The following ERCC4 variants were observed in gnomAD, a reference collection of about 807,000 sequenced individuals.
The protein encoded by ERCC4 is DNA repair endonuclease XPF.
In ERCC4, 65 loss-of-function variants were observed where a neutral mutation model predicts 76.9. The ratio of observed to expected loss-of-function variants is 0.84; its 90% confidence interval spans 0.69 to 1.04. The LOEUF is 1.04. Among genes scored for constraint, ERCC4 ranks in the 50% least tolerant of loss-of-function variants. The pLI, the probability that ERCC4 is intolerant of heterozygous loss-of-function variation, is 0.00. For missense variants in ERCC4, 1,214 were observed against 1,128.2 expected, an observed-to-expected ratio of 1.08 and a Z score of -1.09; for synonymous variants, 463 against 410.1, an observed-to-expected ratio of 1.13 and a Z score of -1.56.
chr16:13,945,314 TG>T (rs1232782598), intron 10 of ERCC4, among the ~76,000 whole-genome samples: 1 of 152,192 alleles, frequency 6.6e-6, no homozygotes, highest in African/African-American at 2.4e-5. Context: ...CATTTCTTCT[TG>T]GTAGCTCCCC....
At chr16:13,939,185 C>T (rs1311810516) in intron 9 of ERCC4, among the ~76,000 whole-genome samples, 5 of 152,208 alleles carry the variant, frequency 3.3e-5, no homozygotes, top group African/African-American at 1.2e-4. Flanking sequence ...AGGCTCTTTG[C>T]TCCTCTCTGT....
At position 13,947,841 on chromosome 16, in the gene ERCC4, T is replaced by A; in HGVS notation, c.2245T>A (p.Ser749Thr). The A allele has an allele frequency of 6.2e-7, 1 of 1,614,224 alleles. No individual in the cohort carries two copies. The highest frequency in any genetic ancestry group is 1.3e-5 in the African/African-American group (1 of 75,064). The change falls in exon 11 of 11, where the codon TCC becomes ACC. Residue 749 changes from serine (S) to threonine (T), a missense_variant. Physicochemically the swap from Ser to Thr is moderately conservative, Grantham distance 58. Transcript: ENST00000311895. ...GRLYSQCISM[S>T]RYYKRPVLLI... ...CCTCTACAGCCAGTGCATCTCCATG[T>A]CCCGCTACTACAAGCGTCCCGTGCT...
At position 13,922,114 on chromosome 16, in the gene ERCC4, C is replaced by G. The variant is rs1178956725; in HGVS notation, c.291C>G (p.Arg97=). The change falls in exon 2 of 11, where the codon CGC becomes CGG. Residue 97 remains arginine, a synonymous_variant. Coordinates refer to ENST00000311895, the MANE Select transcript of ERCC4 (RefSeq NM_005236.3). The part of the protein sequence containing the change: ...RVTNEITSNS[R]YEVYTQGGVI... ...CAAATGAAATCACAAGCAACAGTCG[C>G]TATGAAGTTTACACACAAGGTGGTG... 1.2e-6 allele frequency: 2 copies of G among 1,613,490 alleles called. No homozygotes were observed. The highest frequency in any genetic ancestry group is 2.7e-5 in the African/African-American group (2 of 74,896).
chr16:13,940,041 CAT>C (rs2032382881), intron 9 of ERCC4, among the ~76,000 whole-genome samples: 1 of 152,210 alleles, frequency 6.6e-6, no homozygotes, highest in Non-Finnish European at 1.5e-5. Flanking sequence ...CTAGAACTCA[CAT>C]GAGTCAGAAA....
At position 13,920,356 on chromosome 16, in the gene ERCC4, C is replaced by T. The variant is rs2141937451; in HGVS notation, c.191C>T (p.Thr64Met). Residue 64 changes from threonine (T) to methionine (M), a missense_variant, in exon 1 of 11, where the codon ACG becomes ATG. By Grantham distance (81) the Thr-to-Met change is moderately conservative. Coordinates refer to ENST00000311895, the MANE Select transcript of ERCC4 (RefSeq NM_005236.3). ...GCCTGCCTGGTGCTGGTGCTCAACA[C>T]GCAGCCGGCCGAGGAGGTGCGGCCG... ...HPACLVLVLN[T>M]QPAEEEYFIN... 9 of 1,584,330 alleles carry T rather than the reference C, an allele frequency of 5.7e-6. No homozygotes were observed. The highest frequency in any genetic ancestry group is 7.7e-6 in the Non-Finnish European group (9 of 1,172,530).
chr16:13,942,186 T>C (rs977648684), intron 9 of ERCC4, among the ~76,000 whole-genome samples: 3 of 152,236 alleles, frequency 2.0e-5, no homozygotes, highest in South Asian at 2.1e-4. Context: ...GTCTGTCACA[T>C]AGGGGAACTT....
At position 13,935,310 on chromosome 16, in the gene ERCC4, A is replaced by G. The variant is rs1486731870; in HGVS notation, c.1378A>G (p.Lys460Glu). 1 of 1,614,130 alleles carries G rather than the reference A, an allele frequency of 6.2e-7. No homozygotes were observed. Among genetic ancestry groups the G allele is most frequent in the Non-Finnish European group, 8.5e-7 (1 of 1,180,028 alleles). ...GAAATTTAGGAAGGAAGACAGTTCA[A>G]AGAGAATTAGGAAATCTCACAAAAG... ...WMKFRKEDSS[K>E]RIRKSHKRPK... The change falls in exon 8 of 11, where the codon AAG (lysine) becomes GAG (glutamate). Residue 460 changes from lysine to glutamate, a missense_variant. Coordinates refer to ENST00000311895, the MANE Select transcript of ERCC4 (RefSeq NM_005236.3).
In ERCC4 at chr16:13,935,455, G is replaced by A. The variant is rs587778288; in HGVS notation, c.1523G>A (p.Gly508Glu). Residue 508 changes from glycine (G) to glutamate (E), a missense_variant, in exon 8 of 11, where the codon GGA becomes GAA. Gly to Glu is a moderately conservative substitution (Grantham distance 98, BLOSUM62 -2). Coordinates refer to ENST00000311895, the MANE Select transcript of ERCC4 (RefSeq NM_005236.3). ...VGKPEELEEE[G>E]DVEEGYRREI... ...AAACCTGAAGAACTGGAAGAGGAAG[G>A]AGATGTCGAGGAAGGATATCGTCGA... The A allele has an allele frequency of 5.6e-6, 9 of 1,614,042 alleles. No homozygotes were observed. In the South Asian group the frequency reaches 9.9e-5, roughly 18 times the overall value.
chr16:13,923,627 C>G (rs2032019666), intron 2 of ERCC4, among the ~76,000 whole-genome samples: 1 of 152,128 alleles, frequency 6.6e-6, no homozygotes, highest in African/African-American at 2.4e-5. Flanking sequence ...AAAGCAAACT[C>G]CTTAATTTTC....
intron 6 of ERCC4, chr16:13,933,051 A>AC: frequency 5.1e-6 from 2 of 392,940 alleles, no homozygotes; most frequent in South Asian, 3.7e-5. Flanking sequence ...GTCTCAAAAA[A>AC]AAAAAAAAAA....
At position 13,948,146 on chromosome 16, in the gene ERCC4, C is replaced by T. The variant is rs2032559019; in HGVS notation, c.2550C>T (p.Asp850=). ...ESEKYNPGPQ[D]FLLKMPGVNA... ...AGAAGTATAATCCTGGTCCCCAAGA[C>T]TTCTTGTTAAAAATGCCAGGGGTGA... The change falls in exon 11 of 11, where the codon GAC becomes GAT. Residue 850 remains aspartate, a synonymous_variant. Coordinates refer to ENST00000311895, the MANE Select transcript of ERCC4 (RefSeq NM_005236.3). 7 of 1,614,164 alleles carry T rather than the reference C, an allele frequency of 4.3e-6. No individual in the cohort carries two copies. The highest frequency in any genetic ancestry group is 3.3e-4 in the Middle Eastern group (2 of 6,062).
chr16:13,936,354 A>C (rs1327202456), intron 8 of ERCC4, among the ~76,000 whole-genome samples: 1 of 152,226 alleles, frequency 6.6e-6, no homozygotes, highest in Non-Finnish European at 1.5e-5. Flanking sequence ...TGAACCAAAA[A>C]CGGAGCCAAA....
chr16:13,921,971 T>C (rs2141939772), intron 1 of ERCC4, 60 bp from the exon 2 acceptor site: 1 of 986,678 alleles, frequency 1.0e-6, no homozygotes, highest in Non-Finnish European at 1.6e-6. Context: ...TAAATATCTG[T>C]GACCTATTAA....
At position 13,934,304 on chromosome 16, in the gene ERCC4, T is replaced by C; in HGVS notation, c.1213+2T>C. On this transcript the variant is annotated splice_donor_variant, in intron 7 of 10. Transcript: ENST00000311895. LOFTEE classifies it high-confidence loss of function. ...AGAGTGAAGCTCTTGGTGGTCCAGG[T>C]AGGAAAAAAGGAGATGAAAACATTT... The C allele has an allele frequency of 6.3e-7, 1 of 1,595,466 alleles. No individual in the cohort carries two copies. The highest frequency in any genetic ancestry group is 8.6e-7 in the Non-Finnish European group (1 of 1,163,356).
chr16:13,936,547 T>G (rs2032298182), intron 8 of ERCC4, among the ~76,000 whole-genome samples: 1 of 152,258 alleles, frequency 6.6e-6, no homozygotes, highest in Non-Finnish European at 1.5e-5. Context: ...ACACCAAGCT[T>G]CTTTCTTGCC....
chr16:13,947,587 G>T (rs909557546), intron 10 of ERCC4, 27 bp from the exon 11 acceptor site: 2 of 1,613,516 alleles, frequency 1.2e-6, no homozygotes, highest in East Asian at 4.5e-5. Context: ...TTCTTCCCCA[G>T]TGACATTACT....
rs143528362 is a variant in ERCC4 at position 13,935,886 on chromosome 16, A to G, written c.1811+143A>G. 346 of 749,716 alleles carry G rather than the reference A, an allele frequency of 4.6e-4. No individual in the cohort carries two copies. In the African/African-American group the frequency reaches 5.5e-3, roughly 12 times the overall value. The allele number at this position is 749,716 out of a possible 1,614,324, so 46.4% of individuals were successfully genotyped here. A position where few individuals can be genotyped will look rare whatever the true frequency, so the allele number is the denominator to read the frequency against. ...GAAACCTTATTTTGCTTCCTGATGA[A>G]TCTGGGAAGTTGGATAGGAAGGATG... On this transcript the variant is annotated intron_variant, in intron 8 of 10. Coordinates refer to ENST00000311895, the MANE Select transcript of ERCC4 (RefSeq NM_005236.3).
Position 13,935,486 on chromosome 16 carries a change from A to G in ERCC4, c.1554A>G (p.Ile518Met). 6.2e-7 allele frequency: 1 copy of G among 1,614,216 alleles called. No homozygotes were observed. Among genetic ancestry groups the G allele is most frequent in the Non-Finnish European group, 8.5e-7 (1 of 1,180,034 alleles). Reference sequence around the variant, plus strand: ...TCGAGGAAGGATATCGTCGAGAAATAAGCAGTAGCCCAGAAAGCTGCCCGG... The same window carrying G: ...TCGAGGAAGGATATCGTCGAGAAATGAGCAGTAGCCCAGAAAGCTGCCCGG... ...GDVEEGYRRE[I>M]SSSPESCPEE... is the part of the protein sequence containing the mutation. The change falls in exon 8 of 11, where the codon ATA becomes ATG. Residue 518 changes from isoleucine (I) to methionine (M), a missense_variant. By Grantham distance (10) the Ile-to-Met change is conservative (BLOSUM62 1). Transcript: ENST00000311895.
In ERCC4 at chr16:13,935,276, A is replaced by G; in HGVS notation, c.1344A>G (p.Glu448=). 6.2e-7 allele frequency: 1 copy of G among 1,614,126 alleles called. No individual in the cohort carries two copies. Among genetic ancestry groups the G allele is most frequent in the Non-Finnish European group, 8.5e-7 (1 of 1,180,016 alleles). ...TTGAGAAGGATAGCAAAGCTGAAGA[A>G]GTCTGGATGAAATTTAGGAAGGAAG... The part of the protein sequence containing the change: ...KTFEKDSKAE[E]VWMKFRKEDS... Residue 448 remains glutamate (E), a synonymous_variant, in exon 8 of 11, where the codon GAA becomes GAG. Transcript: ENST00000311895.
Sources: allele counts gnomAD v4.1 joint callset (sites outside exome capture counted in the v4.1 genomes callset), GRCh38; gene constraint gnomAD v4.1.1; transcripts MANE v1.5; gene names NCBI Gene and HGNC (gene_info 2026-07-23, HGNC 2026-07-21).